Variants in CALN1 observed in about 807,000 individuals in gnomAD.
CALN1 encodes calneuron 1.
Under a neutral mutation model 30.6 loss-of-function variants are expected in CALN1, and 17 were observed. The ratio of observed to expected loss-of-function variants is 0.56; its 90% CI spans 0.38 to 0.83. CALN1 has a LOEUF of 0.83. Ranked by LOEUF, CALN1 falls within the 40% of genes least tolerant of loss-of-function variation. CALN1 has a pLI of 0.00. For missense variants in CALN1, 291 were observed against 354.9 expected (o/e 0.82, Z 1.45); for synonymous variants, 156 against 131.4 (o/e 1.19, Z -1.28).
intron 5 of CALN1, among the ~76,000 whole-genome samples, chr7:71,878,008 A>G (rs1792346624): frequency 6.6e-6 from 1 of 152,308 alleles, no homozygotes; most frequent in Middle Eastern, 3.4e-3. Context: ...TGTTTCAGTA[A>G]GTCTGGAGTG....
chr7:71,833,377 A>G (rs1246304355), intron 5 of CALN1, among the ~76,000 whole-genome samples: 1 of 152,172 alleles, frequency 6.6e-6, no homozygotes, highest in African/African-American at 2.4e-5. Context: ...ATGAGTGCAC[A>G]TTGTCCTAAG....
At chr7:72,274,277 G>A (rs921184599) in intron 3 of CALN1, among the ~76,000 whole-genome samples, 3 of 152,146 alleles carry the variant, frequency 2.0e-5, no homozygotes, top group South Asian at 4.1e-4. Context: ...GGAGGCCAAG[G>A]TGGGTAGATC....
At chr7:72,054,476 C>CACATATATATACATAT in intron 4 of CALN1, among the ~76,000 whole-genome samples, 1 of 89,578 alleles carries the variant, frequency 1.1e-5, no homozygotes, top group Non-Finnish European at 2.6e-5. Context: ...TACATATATA[C>CACATATATATACATAT]ATACATATAT....
At chr7:72,398,863 T>C (rs1377499963) in intron 2 of CALN1, among the ~76,000 whole-genome samples, 2 of 152,116 alleles carry the variant, frequency 1.3e-5, no homozygotes, top group African/African-American at 4.8e-5. Context: ...ACACCATCGA[T>C]CACACCCAAC....
chr7:72,212,173 A>AC (rs1167557433), intron 3 of CALN1, among the ~76,000 whole-genome samples: 2 of 151,712 alleles, frequency 1.3e-5, no homozygotes, highest in African/African-American at 4.8e-5. Context: ...TAACAGTGAA[A>AC]CCCATCGCTA....
intron 4 of CALN1, among the ~76,000 whole-genome samples, chr7:72,040,114 T>C (rs1802034025): frequency 6.6e-6 from 1 of 152,128 alleles, no homozygotes; most frequent in Admixed American, 6.6e-5. Flanking sequence ...CTGAGAAGGT[T>C]AGGAAAAAAT....
intron 3 of CALN1, among the ~76,000 whole-genome samples, chr7:72,122,319 G>A (rs368882608): frequency 6.6e-6 from 1 of 152,144 alleles, no homozygotes. Flanking sequence ...TAGATATGCA[G>A]GCCAGAAGAA....
intron 2 of CALN1, among the ~76,000 whole-genome samples, chr7:72,287,845 T>A (rs1798194912): frequency 6.6e-6 from 1 of 152,176 alleles, no homozygotes; most frequent in African/African-American, 2.4e-5. Context: ...TGTCTCTTCA[T>A]ATATATTTGC....
chr7:71,908,275 AT>A (rs1247145585), intron 5 of CALN1, among the ~76,000 whole-genome samples: 1 of 152,062 alleles, frequency 6.6e-6, no homozygotes, highest in Non-Finnish European at 1.5e-5. Context: ...CAAAACTTGA[AT>A]TTTCCCCTAT....
intron 2 of CALN1, among the ~76,000 whole-genome samples, chr7:72,328,444 G>A (rs1801435366): frequency 6.6e-6 from 1 of 152,184 alleles, no homozygotes; most frequent in South Asian, 2.1e-4. Context: ...CGCCATGATT[G>A]TGAGGCCTCC....
chr7:72,289,575 C>A (rs1181808087), intron 2 of CALN1, among the ~76,000 whole-genome samples: 1 of 152,098 alleles, frequency 6.6e-6, no homozygotes, highest in Non-Finnish European at 1.5e-5. Flanking sequence ...TCCAAGCTCC[C>A]AACATGGTAC....
At chr7:71,942,743 G>A (rs1796201490) in intron 5 of CALN1, among the ~76,000 whole-genome samples, 1 of 152,028 alleles carries the variant, frequency 6.6e-6, no homozygotes, top group Non-Finnish European at 1.5e-5. Flanking sequence ...TGATATAGAA[G>A]GGTATCTGTA....
intron 5 of CALN1, among the ~76,000 whole-genome samples, chr7:71,910,208 C>T (rs1794353777): frequency 6.6e-6 from 1 of 152,180 alleles, no homozygotes; most frequent in Admixed American, 6.5e-5. Flanking sequence ...GAGATTCTAT[C>T]ATCTTATGAT....
At chr7:72,203,086 A>G (rs1791554374) in intron 3 of CALN1, among the ~76,000 whole-genome samples, 1 of 152,194 alleles carries the variant, frequency 6.6e-6, no homozygotes, top group South Asian at 2.1e-4. Context: ...TAACACAGGA[A>G]CAGAAAACCA....
At chr7:72,095,791 G>C (rs573374370) in intron 4 of CALN1, among the ~76,000 whole-genome samples, 1 of 152,266 alleles carries the variant, frequency 6.6e-6, no homozygotes, top group Admixed American at 6.5e-5. Flanking sequence ...CAAGCACTTT[G>C]GGAGGCCAAG....
intron 3 of CALN1, among the ~76,000 whole-genome samples, chr7:72,137,960 AG>A (rs1327691484): frequency 3.9e-5 from 6 of 152,244 alleles, no homozygotes; most frequent in African/African-American, 1.4e-4. Flanking sequence ...AAAGACATAT[AG>A]GATTTCTTTG....
intron 5 of CALN1, among the ~76,000 whole-genome samples, chr7:71,926,523 GT>G (rs1371462619): frequency 6.6e-6 from 1 of 152,178 alleles, no homozygotes; most frequent in Non-Finnish European, 1.5e-5. Context: ...TCTTGGATCT[GT>G]GATTTGATGT....
chr7:72,386,625 G>T (rs994813091), intron 2 of CALN1, among the ~76,000 whole-genome samples: 1 of 152,120 alleles, frequency 6.6e-6, no homozygotes, highest in Non-Finnish European at 1.5e-5. Flanking sequence ...AGACATCAGT[G>T]TAAACCTATG....
chr7:72,336,734 C>T, intron 2 of CALN1: 1 of 985,352 alleles, frequency 1.0e-6, no homozygotes, highest in Non-Finnish European at 1.2e-6. Flanking sequence ...CGCAGCCCGG[C>T]AGCCGAGGCG....
Sources: gnomAD v4.1 joint callset for allele counts (sites outside exome capture counted in the v4.1 genomes callset) on GRCh38, gnomAD v4.1.1 for gene constraint, MANE v1.5 for transcripts, NCBI Gene and HGNC (gene_info 2026-07-23, HGNC 2026-07-21) for gene names.